FRY: variants seen among roughly 807,000 people sequenced by gnomAD.
FRY encodes the protein protein furry homolog.
A neutral mutation model predicts 348.4 loss-of-function variants in FRY; 128 were observed. That is an observed-to-expected ratio of 0.37 (90% CI 0.32 to 0.43). The LOEUF (loss-of-function observed/expected upper bound fraction) is 0.43, where lower values mean the gene tolerates loss of function less well. FRY is among the 20% of genes least tolerant of loss of function. FRY has a pLI of 1.00. For missense variants in FRY, 2,736 were observed against 3,695.2 expected, an observed-to-expected ratio of 0.74 and a Z score of 6.73; for synonymous variants, 1,370 against 1,374.7, an observed-to-expected ratio of 1.00 and a Z score of 0.08.
chr13:32,183,861 G>T (rs558414102), intron 24 of FRY, among the ~76,000 whole-genome samples: 1 of 151,938 alleles, frequency 6.6e-6, no homozygotes, highest in African/African-American at 2.4e-5. Flanking sequence ...ATTAGGTCAG[G>T]TGCAGTAGCT....
intron 53 of FRY, 40 bp downstream of exon 53, chr13:32,262,515 A>T (rs1887707932): frequency 6.6e-7 from 1 of 1,504,190 alleles, no homozygotes; most frequent in East Asian, 2.3e-5. Context: ...ACTTCCCTTA[A>T]AACCCTTAAA....
At chr13:32,049,845 T>C (rs1399704145) in intron 1 of FRY, among the ~76,000 whole-genome samples, 1 of 152,102 alleles carries the variant, frequency 6.6e-6, no homozygotes, top group Admixed American at 6.5e-5. Flanking sequence ...TAATGTATGA[T>C]AAAAAACATG....
In FRY at chr13:32,074,321, GA is replaced by G. The variant is rs556184411; in HGVS notation, c.71-4506del. Among the ~76,000 whole-genome samples the G allele has an allele frequency of 1.5e-4, 23 of 152,082 alleles. No homozygotes were observed. In the South Asian group the frequency reaches 2.7e-3, roughly 18 times the overall value. ...ATTTAAGACAAAAGAAGGCAATGGA[GA>G]AAAAAATTAGAACGTGTTAAAACCA... On this transcript the variant is annotated intron_variant, in intron 1 of 60. Transcript: ENST00000542859.
At chr13:32,248,335 GA>G (rs1886903308) in intron 48 of FRY, among the ~76,000 whole-genome samples, 1 of 152,106 alleles carries the variant, frequency 6.6e-6, no homozygotes. Context: ...TGAACAAAGA[GA>G]ATACATGGAC....
At chr13:32,085,714 T>G (rs1875812232) in intron 2 of FRY, 2 of 356,782 alleles carry the variant, frequency 5.6e-6, no homozygotes, top group African/African-American at 2.1e-5. Context: ...TCTGGTATAT[T>G]TCCTCAGAAG....
chr13:32,125,998 A>G (rs1336820107), intron 7 of FRY, among the ~76,000 whole-genome samples: 1 of 152,172 alleles, frequency 6.6e-6, no homozygotes, highest in African/African-American at 2.4e-5. Context: ...GCATGAGGCT[A>G]TATTGTAGTT....
In FRY at chr13:32,161,257, T is replaced by G. The variant is rs770431034; in HGVS notation, c.1892+6T>G. The G allele has an allele frequency of 6.5e-7, 1 of 1,548,264 alleles. No homozygotes were observed. The highest frequency in any genetic ancestry group is 2.2e-5 in the East Asian group (1 of 44,586). On this transcript the variant is annotated splice_donor_region_variant and intron_variant, in intron 17 of 60. Coordinates refer to ENST00000542859, the MANE Select transcript of FRY (RefSeq NM_023037.3). ...CTTATTGACTTACTGGCTAGGTAGG[T>G]GAGAATATTATTTGGCCAAAATTAA... is the stretch of plus-strand genomic sequence containing the variant.
chr13:32,153,130 A>C (rs1880904617), intron 14 of FRY, among the ~76,000 whole-genome samples: 1 of 152,200 alleles, frequency 6.6e-6, no homozygotes, highest in Non-Finnish European at 1.5e-5. Context: ...CCACTTTAGA[A>C]AAATTTGGCA....
intron 23 of FRY, among the ~76,000 whole-genome samples, chr13:32,181,847 G>T (rs921439175): frequency 1.3e-5 from 2 of 152,016 alleles, no homozygotes; most frequent in Non-Finnish European, 2.9e-5. Flanking sequence ...TGTTAGTATA[G>T]AGAATCCATC....
At chr13:32,054,942 A>G (rs969203387) in intron 1 of FRY, among the ~76,000 whole-genome samples, 2 of 152,010 alleles carry the variant, frequency 1.3e-5, no homozygotes, top group Non-Finnish European at 2.9e-5. Context: ...GCAAAAGCAA[A>G]CCCCAAGTTC....
At chr13:32,105,557 T>C (rs888554602) in intron 3 of FRY, among the ~76,000 whole-genome samples, 1 of 152,244 alleles carries the variant, frequency 6.6e-6, no homozygotes, top group Non-Finnish European at 1.5e-5. Context: ...ATTCAAATTA[T>C]ATAGTTTTAT....
chr13:32,160,440 A>C (rs753215041), intron 16 of FRY, among the ~76,000 whole-genome samples: 2 of 152,222 alleles, frequency 1.3e-5, no homozygotes, highest in Non-Finnish European at 2.9e-5. Flanking sequence ...TAAAACAACT[A>C]AAAATTGAAA....
intron 17 of FRY, among the ~76,000 whole-genome samples, chr13:32,165,186 C>T (rs1409040760): frequency 2.0e-5 from 3 of 152,196 alleles, no homozygotes; most frequent in Admixed American, 1.3e-4. Context: ...ATAATAAACA[C>T]GTTTTATGTG....
chr13:32,244,279 A>G (rs1013272176), intron 47 of FRY, 97 bp downstream of exon 47: 1 of 1,120,274 alleles, frequency 8.9e-7, no homozygotes. Flanking sequence ...GTGCCAGGCC[A>G]CTCATTCATT....
chr13:32,184,919 T>C, intron 25 of FRY, 57 bp from the exon 26 acceptor site: 2 of 1,410,212 alleles, frequency 1.4e-6, no homozygotes, highest in Non-Finnish European at 2.0e-6. Flanking sequence ...TCATGAAGCC[T>C]GTATTACTTT....
At chr13:32,124,494 C>A in intron 5 of FRY, 108 bp from the exon 6 acceptor site, 1 of 871,226 alleles carries the variant, frequency 1.1e-6, no homozygotes, top group South Asian at 1.4e-5. Context: ...GGTTATATGA[C>A]TTATGTTTAT....
chr13:32,080,924 C>T (rs1325911165), intron 2 of FRY, among the ~76,000 whole-genome samples: 1 of 152,236 alleles, frequency 6.6e-6, no homozygotes, highest in Non-Finnish European at 1.5e-5. Context: ...GATGCTTACA[C>T]AGCTAGGTCC....
chr13:32,141,292 T>A (rs1200475709), intron 11 of FRY, among the ~76,000 whole-genome samples: 1 of 152,124 alleles, frequency 6.6e-6, no homozygotes, highest in African/African-American at 2.4e-5. Flanking sequence ...TAATATACAG[T>A]CATCAAACCC....
chr13:32,108,365 G>T (rs1185438389), intron 3 of FRY, among the ~76,000 whole-genome samples: 8 of 152,134 alleles, frequency 5.3e-5, no homozygotes, highest in Non-Finnish European at 1.2e-4. Flanking sequence ...GGAAATTTCA[G>T]AAGAAAGGAA....
Sources: gnomAD v4.1 joint callset for allele counts (sites outside exome capture counted in the v4.1 genomes callset) on GRCh38, gnomAD v4.1.1 for gene constraint, MANE v1.5 for transcripts, NCBI Gene and HGNC (gene_info 2026-07-23, HGNC 2026-07-21) for gene names.